The following ITGA8 variants were observed in gnomAD, a reference collection of about 807,000 sequenced individuals.
ITGA8 encodes the protein integrin subunit alpha 8, also known as integrin alpha-8.
In ITGA8, 91 loss-of-function variants were observed where a neutral mutation model predicts 142.3. The ratio of observed to expected loss-of-function variants is 0.64; its 90% CI spans 0.54 to 0.76. The LOEUF is 0.76. Among genes scored for constraint, ITGA8 ranks in the 30% least tolerant of loss-of-function variants. The probability of loss-of-function intolerance (pLI) is 0.00; values close to 1 mark genes in which losing one functional copy is unlikely to be tolerated. For synonymous variants in ITGA8, 505 were observed against 485.2 expected, an observed-to-expected ratio of 1.04 and a Z score of -0.54; for missense variants, 1,406 against 1,327.7, an observed-to-expected ratio of 1.06 and a Z score of -0.92.
chr10:15,546,519 G>A (rs1047583699), intron 27 of ITGA8, among the ~76,000 whole-genome samples: 6 of 152,172 alleles, frequency 3.9e-5, no homozygotes, highest in East Asian at 1.9e-4. Context: ...GAGAATTTTG[G>A]TTGTCACACC....
chr10:15,559,230 C>G (rs554706453), intron 25 of ITGA8, among the ~76,000 whole-genome samples: 3 of 152,354 alleles, frequency 2.0e-5, no homozygotes, highest in African/African-American at 7.2e-5. Flanking sequence ...GCCGGTTTCT[C>G]CAGCCTCTTC....
At chr10:15,524,981 ATCTT>A (rs1833141565) in intron 28 of ITGA8, among the ~76,000 whole-genome samples, 1 of 152,088 alleles carries the variant, frequency 6.6e-6, no homozygotes, top group Non-Finnish European at 1.5e-5. Context: ...TATATGAAGA[ATCTT>A]TCATTCATTT....
intron 10 of ITGA8, 82 bp from the exon 11 acceptor site, chr10:15,655,488 C>T: frequency 2.1e-6 from 2 of 941,506 alleles, no homozygotes; most frequent in Non-Finnish European, 3.4e-6. Context: ...CTGAAAGATT[C>T]ATCTCATTGT....
intron 2 of ITGA8, among the ~76,000 whole-genome samples, chr10:15,715,322 A>G (rs911691750): frequency 6.6e-6 from 1 of 152,140 alleles, no homozygotes; most frequent in African/African-American, 2.4e-5. Flanking sequence ...GGAATTGTAA[A>G]GCCACTGCTG....
intron 25 of ITGA8, among the ~76,000 whole-genome samples, chr10:15,562,031 C>T (rs565484003): frequency 4.3e-4 from 66 of 152,262 alleles, no homozygotes; most frequent in African/African-American, 1.4e-3. Flanking sequence ...CTCACTATCA[C>T]GAGAAAAGCA....
intron 27 of ITGA8, among the ~76,000 whole-genome samples, chr10:15,536,071 G>C (rs571751285): frequency 6.6e-5 from 10 of 151,686 alleles, no homozygotes; most frequent in Non-Finnish European, 1.3e-4. Flanking sequence ...GAACACATCC[G>C]AACATCAGAA....
intron 13 of ITGA8, among the ~76,000 whole-genome samples, chr10:15,634,054 T>C (rs983561139): frequency 2.5e-4 from 38 of 152,202 alleles, no homozygotes; most frequent in African/African-American, 8.7e-4. Flanking sequence ...GTGTTCCCCT[T>C]CTGAGATGCT....
intron 28 of ITGA8, 44 bp downstream of exon 28, chr10:15,531,006 T>C: frequency 9.6e-7 from 1 of 1,040,290 alleles, no homozygotes. Flanking sequence ...AAACAATTAT[T>C]TCAATTAAAT....
rs1833915823 is a variant in ITGA8 at position 15,558,116 on chromosome 10, T to G, written c.2724A>C (p.Val908=). 7 of 1,614,206 alleles carry G rather than the reference T, an allele frequency of 4.3e-6. No homozygotes were observed. Among genetic ancestry groups the G allele is most frequent in the Non-Finnish European group, 5.9e-6 (7 of 1,180,046 alleles). ...TIPHLVRKRD[V]HVVEFHRQSP... is the part of the protein sequence containing the mutation. ...TCTGTCTGTGGAATTCGACCACATG[T>G]ACATCCCTCTTCCTGACAAGATGAG... is the stretch of plus-strand genomic sequence containing the variant. Residue 908 remains valine (V), a synonymous_variant, in exon 26 of 30, where the codon GTA becomes GTC. Coordinates refer to ENST00000378076, the MANE Select transcript of ITGA8 (RefSeq NM_003638.3).
intron 2 of ITGA8, among the ~76,000 whole-genome samples, chr10:15,700,951 T>G (rs1308409890): frequency 6.6e-6 from 1 of 152,180 alleles, no homozygotes; most frequent in Non-Finnish European, 1.5e-5. Flanking sequence ...AATCTATGTT[T>G]TTATATAGGT....
chr10:15,570,040 G>C lies in ITGA8; in HGVS notation c.2637+2171C>G, dbSNP rs181216833. On this transcript the variant is annotated intron_variant, in intron 25 of 29. Coordinates refer to ENST00000378076, the MANE Select transcript of ITGA8 (RefSeq NM_003638.3). ...TGTTTTTTAATGTCTATTAATAAAA[G>C]CTCCTTTAGACTCTCTGGAGCATTT... is the stretch of plus-strand genomic sequence containing the variant. Among the ~76,000 whole-genome samples, 251 of 152,148 alleles carry C rather than the reference G, an allele frequency of 1.6e-3. 2 individuals are homozygous for C. The highest frequency in any genetic ancestry group is 5.8e-3 in the African/African-American group (241 of 41,506).
Position 15,517,041 on chromosome 10 carries a change from T to TTAAA in ITGA8, c.*116_*117insTTTA. On this transcript the variant is annotated 3_prime_UTR_variant, in exon 30 of 30. Transcript: ENST00000378076. The stretch of plus-strand genomic sequence containing the variant: ...ATGAGGTGATGTTTCCAGGGTCCCC[T>TTAAA]CCATTTCCTGGGTCACTGTCAGGTA... 1.8e-6 allele frequency: 1 copy of TTAAA among 547,408 alleles called. No individual in the cohort carries two copies. Among genetic ancestry groups the TTAAA allele is most frequent in the Non-Finnish European group, 2.9e-6 (1 of 343,020 alleles). The allele number at this position is 547,408 out of a possible 1,614,324, so 33.9% of individuals were successfully genotyped here. A position where few individuals can be genotyped will look rare whatever the true frequency, so the allele number is the denominator to read the frequency against.
intron 2 of ITGA8, among the ~76,000 whole-genome samples, chr10:15,700,513 G>A (rs1379265629): frequency 6.6e-6 from 1 of 152,152 alleles, no homozygotes; most frequent in Non-Finnish European, 1.5e-5. Context: ...CAGTAAACAT[G>A]CAAATAAGAT....
intron 3 of ITGA8, among the ~76,000 whole-genome samples, chr10:15,687,025 C>T (rs9333261): frequency 6.6e-6 from 1 of 152,104 alleles, no homozygotes. Context: ...AAAGTTCTTA[C>T]AAATTCTGGA....
At chr10:15,530,748 A>C (rs1320036261) in intron 28 of ITGA8, among the ~76,000 whole-genome samples, 3 of 152,196 alleles carry the variant, frequency 2.0e-5, no homozygotes, top group African/African-American at 7.2e-5. Flanking sequence ...AAATGAAAGA[A>C]TCAGTACGAT....
chr10:15,701,935 G>A lies in ITGA8; in HGVS notation c.344-13897C>T, dbSNP rs149805383. Among the ~76,000 whole-genome samples, 1,407 of 152,236 alleles carry A rather than the reference G, an allele frequency of 9.2e-3. 18 individuals are homozygous for A. The highest frequency in any genetic ancestry group is 0.02 in the Middle Eastern group (6 of 294). On this transcript the variant is annotated intron_variant, in intron 2 of 29. Transcript: ENST00000378076. ...TTTCTAATTGGAATGATGCATCTGA[G>A]AACAGGGAATACTCGTATGTATAAT...
chr10:15,571,102 A>G (rs1266272839), intron 25 of ITGA8, among the ~76,000 whole-genome samples: 1 of 152,252 alleles, frequency 6.6e-6, no homozygotes, highest in Non-Finnish European at 1.5e-5. Flanking sequence ...AATCTTGTGT[A>G]ACACAAGTGG....
chr10:15,564,207 G>A (rs190476365), intron 25 of ITGA8, among the ~76,000 whole-genome samples: 4 of 152,264 alleles, frequency 2.6e-5, no homozygotes, highest in Admixed American at 2.6e-4. Context: ...TCTCCAAATA[G>A]CTTGCAAACC....
chr10:15,632,371 T>A (rs914944479), intron 13 of ITGA8, among the ~76,000 whole-genome samples: 1 of 152,230 alleles, frequency 6.6e-6, no homozygotes, highest in Non-Finnish European at 1.5e-5. Context: ...TACATTTTCA[T>A]ATCTTAATCT....
Sources: gnomAD v4.1 joint callset for allele counts (sites outside exome capture counted in the v4.1 genomes callset) on GRCh38, gnomAD v4.1.1 for gene constraint, MANE v1.5 for transcripts, NCBI Gene and HGNC (gene_info 2026-07-23, HGNC 2026-07-21) for gene names.